The following ARID4B variants were observed in gnomAD, a reference collection of about 807,000 sequenced individuals.
The protein encoded by ARID4B is AT-rich interaction domain 4B, also known as AT-rich interactive domain-containing protein 4B.
In ARID4B, 26 loss-of-function variants were observed where a neutral mutation model predicts 147.5. The ratio of observed to expected loss-of-function variants is 0.18; its 90% CI spans 0.13 to 0.24. ARID4B has a LOEUF of 0.24. Ranked by LOEUF, ARID4B falls within the 10% of genes least tolerant of loss-of-function variation. The pLI is 1.00. For synonymous variants in ARID4B, 512 were observed against 507.9 expected (o/e 1.01, Z -0.11); for missense variants, 1,179 against 1,511.5 (o/e 0.78, Z 3.65).
intron 17 of ARID4B, among the ~76,000 whole-genome samples, chr1:235,200,022 A>T (rs942404895): frequency 6.7e-6 from 1 of 150,014 alleles, no homozygotes; most frequent in Non-Finnish European, 1.5e-5. Context: ...AAAAAAAAGC[A>T]AATTCATGTG....
At chr1:235,207,927 T>C (rs1666429148) in intron 17 of ARID4B, among the ~76,000 whole-genome samples, 1 of 152,234 alleles carries the variant, frequency 6.6e-6, no homozygotes. Context: ...TTCAGTTCTC[T>C]GTAACTGTTA....
chr1:235,252,909 T>A (rs550106452), intron 5 of ARID4B, 100 bp from the exon 6 acceptor site: 1 of 818,650 alleles, frequency 1.2e-6, no homozygotes, highest in African/African-American at 1.7e-5. Context: ...GATCTACTAT[T>A]TAAGACTACA....
chr1:235,314,260 G>A (rs769248454), intron 2 of ARID4B, among the ~76,000 whole-genome samples: 74 of 152,022 alleles, frequency 4.9e-4, no homozygotes, highest in Non-Finnish European at 8.8e-4. Context: ...AACAAGACAG[G>A]CTTCCTCTAA....
chr1:235,304,702 T>C (rs544685883), intron 2 of ARID4B, among the ~76,000 whole-genome samples: 1 of 152,290 alleles, frequency 6.6e-6, no homozygotes, highest in East Asian at 1.9e-4. Context: ...GGCACTCAAA[T>C]TGGAGTTTAT....
rs1389128241 is a variant in ARID4B, at chr1:235,181,662, T to C, written c.3257A>G (p.Asn1086Ser). The C allele has an allele frequency of 6.2e-7, 1 of 1,614,094 alleles. No individual in the cohort carries two copies. The highest frequency in any genetic ancestry group is 8.5e-7 in the Non-Finnish European group (1 of 1,180,016). Residue 1086 changes from asparagine to serine, a missense_variant, in exon 20 of 24, where the codon AAT becomes AGT. Around this residue, in one of 10 missense-constraint regions of ARID4B, gnomAD observed 357 missense variants for 427.3 expected, o/e 0.84. Transcript: ENST00000264183. ...GGCATCAAAACCTGCTGGCGAGCTA[T>C]TCCCTTCAGACTGGAGGTCTTGGAG... Reference protein sequence around the residue: ...GELQDLQSEGNSSPAGFDASV... With the variant: ...GELQDLQSEGSSSPAGFDASV...
At chr1:235,217,573 T>C (rs985700118) in intron 16 of ARID4B, among the ~76,000 whole-genome samples, 1 of 152,202 alleles carries the variant, frequency 6.6e-6, no homozygotes, top group African/African-American at 2.4e-5. Flanking sequence ...TCTTCCCTAC[T>C]TGATATTACA....
chr1:235,223,497 A>G (rs1202303421), intron 12 of ARID4B, among the ~76,000 whole-genome samples: 1 of 149,588 alleles, frequency 6.7e-6, no homozygotes, highest in Admixed American at 6.7e-5. Flanking sequence ...TGGCCACTTT[A>G]AAATTTTTTA....
chr1:235,207,242 C>T (rs1258499558), intron 17 of ARID4B, among the ~76,000 whole-genome samples: 1 of 152,110 alleles, frequency 6.6e-6, no homozygotes, highest in Non-Finnish European at 1.5e-5. Flanking sequence ...ACATAAGCAG[C>T]AGTATGAAAT....
chr1:235,226,345 A>C (rs2103037265), intron 11 of ARID4B, among the ~76,000 whole-genome samples: 1 of 152,206 alleles, frequency 6.6e-6, no homozygotes, highest in African/African-American at 2.4e-5. Context: ...TATAAGGAGC[A>C]GTAGTAATTC....
chr1:235,171,273 TA>T (rs1258064743), intron 23 of ARID4B, among the ~76,000 whole-genome samples: 1 of 151,666 alleles, frequency 6.6e-6, no homozygotes, highest in African/African-American at 2.4e-5. Flanking sequence ...CCATCTCTAC[TA>T]AAAATAAAAA....
intron 10 of ARID4B, among the ~76,000 whole-genome samples, chr1:235,230,594 T>TAAAAA (rs1175996354): frequency 6.9e-5 from 4 of 58,376 alleles, no homozygotes; most frequent in African/African-American, 1.3e-4. Context: ...GACTATAAGC[T>TAAAAA]AAAAAAAAAA....
chr1:235,243,090 T>C (rs1461422681), intron 7 of ARID4B, among the ~76,000 whole-genome samples: 1 of 152,200 alleles, frequency 6.6e-6, no homozygotes, highest in South Asian at 2.1e-4. Flanking sequence ...TTAAGTAATT[T>C]TTTTTTGTTT....
intron 5 of ARID4B, among the ~76,000 whole-genome samples, chr1:235,254,257 A>G (rs1013177511): frequency 6.6e-6 from 1 of 152,090 alleles, no homozygotes; most frequent in African/African-American, 2.4e-5. Flanking sequence ...ATTCTATCTG[A>G]AAGTTCTATC....
intron 5 of ARID4B, among the ~76,000 whole-genome samples, chr1:235,254,096 A>T (rs988844144): frequency 6.6e-6 from 1 of 152,196 alleles, no homozygotes; most frequent in Non-Finnish European, 1.5e-5. Context: ...ATTACAACCA[A>T]TCACCATCTA....
chr1:235,311,160 C>T (rs1205162454), intron 2 of ARID4B, among the ~76,000 whole-genome samples: 1 of 151,906 alleles, frequency 6.6e-6, no homozygotes, highest in African/African-American at 2.4e-5. Context: ...AGTTCAAGAC[C>T]AGCCTAGGCA....
intron 19 of ARID4B, among the ~76,000 whole-genome samples, chr1:235,192,907 C>A (rs1169451938): frequency 1.3e-5 from 2 of 152,108 alleles, no homozygotes; most frequent in East Asian, 3.9e-4. Flanking sequence ...AGATCCAGAC[C>A]ATGGTGAAAC....
chr1:235,209,568 G>A (rs66578864), intron 17 of ARID4B, among the ~76,000 whole-genome samples: 1 of 144,814 alleles, frequency 6.9e-6, no homozygotes, highest in Non-Finnish European at 1.5e-5. Context: ...TTTTTGTTTT[G>A]TTTTTTTTTT....
At chr1:235,294,673 C>T (rs926119486) in intron 2 of ARID4B, among the ~76,000 whole-genome samples, 1 of 150,686 alleles carries the variant, frequency 6.6e-6, no homozygotes, top group African/African-American at 2.4e-5. Context: ...CTACCACACC[C>T]GGCTGATTTT....
chr1:235,228,021 A>T (rs895375244), intron 11 of ARID4B, among the ~76,000 whole-genome samples: 1 of 151,684 alleles, frequency 6.6e-6, no homozygotes, highest in African/African-American at 2.4e-5. Context: ...TTTTAGTAAG[A>T]GACGGGGTTT....
Sources: gnomAD v4.1 joint callset for allele counts (sites outside exome capture counted in the v4.1 genomes callset) on GRCh38, gnomAD v4.1.1 for gene constraint, gnomAD v4.1.1 regional missense constraint, MANE v1.5 for transcripts, NCBI Gene and HGNC (gene_info 2026-07-23, HGNC 2026-07-21) for gene names.